DPP9: variants seen among roughly 807,000 people sequenced by gnomAD.
DPP9 encodes the protein dipeptidyl peptidase 9, also known as dipeptidyl peptidase IV-related protein-2.
Under a neutral mutation model 110.7 loss-of-function variants are expected in DPP9, and 50 were observed. That is an observed-to-expected ratio of 0.45 (90% confidence interval 0.36 to 0.57). The LOEUF (loss-of-function observed/expected upper bound fraction) is 0.57. Among genes scored for constraint, DPP9 ranks in the 20% least tolerant of loss-of-function variants. The probability of loss-of-function intolerance (pLI) is 0.00; values close to 1 mark genes in which losing one functional copy is unlikely to be tolerated. For synonymous variants in DPP9, 561 were observed against 514.4 expected, an observed-to-expected ratio of 1.09 and a Z score of -1.23; for missense variants, 1,022 against 1,217.9, an observed-to-expected ratio of 0.84 and a Z score of 2.39.
intron 3 of DPP9, among the ~76,000 whole-genome samples, chr19:4,715,194 T>C (rs2093024559): frequency 1.3e-5 from 2 of 151,912 alleles, no homozygotes; most frequent in African/African-American, 4.8e-5. Flanking sequence ...TAATGTTTTT[T>C]GTATTTTTAG....
intron 4 of DPP9, among the ~76,000 whole-genome samples, chr19:4,711,202 C>T (rs534051329): frequency 1.3e-5 from 2 of 152,204 alleles, no homozygotes; most frequent in African/African-American, 2.4e-5. Flanking sequence ...GTCCACTGGG[C>T]TTTCTGCTCT....
intron 7 of DPP9, 106 bp from the exon 8 acceptor site, chr19:4,702,822 G>A (rs1454159547): frequency 4.1e-5 from 10 of 244,664 alleles, no homozygotes; most frequent in African/African-American, 2.5e-4. Context: ...GAGAAGGAGG[G>A]AAGGAAAGGG....
rs1445141460 is a variant in DPP9, at chr19:4,701,805, C to T, written c.1012+222G>A. Among the ~76,000 whole-genome samples the T allele has an allele frequency of 2.6e-5, 4 of 152,220 alleles. No individual in the cohort carries two copies. The East Asian group carries it at 7.7e-4, about 29-fold the overall frequency. ...GAGATACCTGTGCCCTCATCCCTTC[C>T]AGAGACAGCTTGCTCACTTCTGAGC... On this transcript the variant is annotated intron_variant, in intron 9 of 21. Coordinates refer to ENST00000262960, the MANE Select transcript of DPP9 (RefSeq NM_139159.5).
Position 4,710,471 on chromosome 19 carries a change from C to T in DPP9, c.313+3610G>A, listed in dbSNP as rs1039730062. Among the ~76,000 whole-genome samples the T allele has an allele frequency of 1.3e-5, 2 of 152,186 alleles. No homozygotes were observed. The highest frequency in any genetic ancestry group is 2.9e-5 in the Non-Finnish European group (2 of 68,034). Reference sequence around the variant, plus strand: ...TCTGAGGCCTGGAACCTGAGCCGGCCCCAGCCCATCTTCCCAGCAGCAGGA... The same window carrying T: ...TCTGAGGCCTGGAACCTGAGCCGGCTCCAGCCCATCTTCCCAGCAGCAGGA... On this transcript the variant is annotated intron_variant, in intron 4 of 21. Transcript: ENST00000262960. This position sits in a 1 kb window ranked among gnomAD's most constrained non-coding sequence, Gnocchi z 5.6.
intron 14 of DPP9, among the ~76,000 whole-genome samples, chr19:4,690,559 C>G (rs1475115555): frequency 6.6e-6 from 1 of 152,238 alleles, no homozygotes; most frequent in Non-Finnish European, 1.5e-5. Flanking sequence ...GACACACTTC[C>G]TCTTTCATGA....
At position 4,679,995 on chromosome 19, in the gene DPP9, T is replaced by G. The variant is rs536929696; in HGVS notation, c.2475-49A>C. ...CTGAGGCCAGGGATTGTCCGTGGGGTAGGAGGGGAGCAGATCACAAGGTCA... is the reference window on the plus strand; with the variant it reads ...CTGAGGCCAGGGATTGTCCGTGGGGGAGGAGGGGAGCAGATCACAAGGTCA... On this transcript the variant is annotated intron_variant, in intron 20 of 21. Transcript: ENST00000262960. 1.6e-5 allele frequency: 22 copies of G among 1,391,262 alleles called. No homozygotes were observed. The South Asian group carries it at 2.7e-4, about 17-fold the overall frequency. 86.2% of individuals were successfully genotyped at this position (1,391,262 alleles called of 1,614,324 possible). A position where few individuals can be genotyped will look rare whatever the true frequency, so the allele number is the denominator to read the frequency against.
rs774917666 is a variant in DPP9, at chr19:4,676,904, C to T, written c.2587-248G>A. The stretch of plus-strand genomic sequence containing the variant: ...AAGACAAAGTTTACAAAACGCCTTG[C>T]GGTGTGCACGCGCTTGCACAGAGGA... On this transcript the variant is annotated intron_variant, in intron 21 of 21. Transcript: ENST00000262960. This position sits in a 1 kb window ranked among gnomAD's most constrained non-coding sequence, Gnocchi z 4.0. 6.6e-6 allele frequency among the ~76,000 whole-genome samples: 1 copy of T among 152,180 alleles called. No individual in the cohort carries two copies. Among genetic ancestry groups the T allele is most frequent in the South Asian group, 2.1e-4 (1 of 4,826 alleles).
chr19:4,676,345 T>A lies in DPP9; in HGVS notation c.*219A>T. The A allele has an allele frequency of 1.8e-6, 1 of 570,670 alleles. No homozygotes were observed. Among genetic ancestry groups the A allele is most frequent in the Non-Finnish European group, 3.2e-6 (1 of 317,032 alleles). 35.4% of individuals were successfully genotyped at this position (570,670 alleles called of 1,614,324 possible). On this transcript the variant is annotated 3_prime_UTR_variant, in exon 22 of 22. Transcript: ENST00000262960. The surrounding 1 kb of genome is among the most constrained non-coding windows in gnomAD (Gnocchi z 4.0). ...CTGGCCCGAGACCACCATCTCTCTG[T>A]CTCGGCAACCAAGAAGCAGCGGACA...
At chr19:4,721,759 C>T (rs1406585611) in intron 2 of DPP9, among the ~76,000 whole-genome samples, 1 of 152,162 alleles carries the variant, frequency 6.6e-6, no homozygotes, top group African/African-American at 2.4e-5. Context: ...CCAGGGGTGA[C>T]AGAGCGAGGT....
At position 4,682,652 on chromosome 19, in the gene DPP9, G is replaced by C. The variant is rs768408399; in HGVS notation, c.2474+44C>G. 1.3e-6 allele frequency: 2 copies of C among 1,597,420 alleles called. No individual in the cohort carries two copies. The highest frequency in any genetic ancestry group is 2.7e-5 in the African/African-American group (2 of 74,632). On this transcript the variant is annotated intron_variant, in intron 20 of 21. Transcript: ENST00000262960. The surrounding 1 kb of genome is among the most constrained non-coding windows in gnomAD (Gnocchi z 7.1). Reference sequence around the variant, plus strand: ...TAGAGACAGCTGGTGCCGGGGTGCAGGAGAAGCCCCGGGGAGGAGCGCAGG... The same window carrying C: ...TAGAGACAGCTGGTGCCGGGGTGCACGAGAAGCCCCGGGGAGGAGCGCAGG...
intron 10 of DPP9, 53 bp from the exon 11 acceptor site, chr19:4,697,704 C>T (rs536267243): frequency 1.8e-5 from 28 of 1,514,922 alleles, no homozygotes; most frequent in Middle Eastern, 1.7e-4. Context: ...CGGCGCTGCT[C>T]GGAGGAGAAG....
chr19:4,684,374 T>G lies in DPP9; in HGVS notation c.2178+289A>C. The G allele has an allele frequency of 2.4e-6, 1 of 425,014 alleles. No homozygotes were observed. The highest frequency in any genetic ancestry group is 4.3e-6 in the Non-Finnish European group (1 of 233,880). The allele number at this position is 425,014 out of a possible 1,614,324, so 26.3% of individuals were successfully genotyped here. ...TTTATAAATCCCCAGGCTGTGGGGT[T>G]TTGTTCCAGCAGTGCAAAGGGGCCG... On this transcript the variant is annotated intron_variant, in intron 18 of 21. Coordinates refer to ENST00000262960, the MANE Select transcript of DPP9 (RefSeq NM_139159.5). The surrounding 1 kb of genome is among the most constrained non-coding windows in gnomAD (Gnocchi z 4.8).
intron 13 of DPP9, among the ~76,000 whole-genome samples, chr19:4,692,677 G>A (rs1029957863): frequency 1.3e-5 from 2 of 152,132 alleles, no homozygotes; most frequent in Non-Finnish European, 2.9e-5. Flanking sequence ...AGTGGCAGCT[G>A]CAGCTGGCTC....
Position 4,685,914 on chromosome 19 carries a change from A to G in DPP9, c.1886-143T>C, listed in dbSNP as rs1261179629. ...GGCTTCCCGAGAGTTGATAATTGAAAAAAACGTTTTTTTTTCATTAAATAA... is the reference window on the plus strand; with the variant it reads ...GGCTTCCCGAGAGTTGATAATTGAAGAAAACGTTTTTTTTTCATTAAATAA... On this transcript the variant is annotated intron_variant, in intron 16 of 21. Transcript: ENST00000262960. The surrounding 1 kb of genome is among the most constrained non-coding windows in gnomAD (Gnocchi z 5.8). 1.7e-5 allele frequency: 16 copies of G among 969,320 alleles called. No homozygotes were observed. Among genetic ancestry groups the G allele is most frequent in the Non-Finnish European group, 2.2e-5 (15 of 676,048 alleles). The allele number at this position is 969,320 out of a possible 1,614,324, so 60.0% of individuals were successfully genotyped here.
intron 19 of DPP9, 169 bp from the exon 20 acceptor site, chr19:4,683,007 C>T (rs12976572): frequency 7.5e-5 from 114 of 1,526,706 alleles, no homozygotes; most frequent in South Asian, 2.0e-4. Context: ...CCCCCGTGGA[C>T]GGTGCGTGGC....
rs572009673 is a variant in DPP9, at chr19:4,700,384, A to G, written c.1013-107T>C. ...GGGTGACGTCCACAGAGAGGTGTACAATTGGAGTGGGGGAGGCAGGAGAAG... is the reference window on the plus strand; with the variant it reads ...GGGTGACGTCCACAGAGAGGTGTACGATTGGAGTGGGGGAGGCAGGAGAAG... On this transcript the variant is annotated intron_variant, in intron 9 of 21. Transcript: ENST00000262960. The surrounding 1 kb of genome is among the most constrained non-coding windows in gnomAD (Gnocchi z 4.3). The G allele has an allele frequency of 2.8e-5, 23 of 825,248 alleles. No individual in the cohort carries two copies. The African/African-American group carries it at 3.6e-4, about 13-fold the overall frequency. 51.1% of individuals were successfully genotyped at this position (825,248 alleles called of 1,614,324 possible).
intron 2 of DPP9, among the ~76,000 whole-genome samples, chr19:4,720,402 C>G (rs1476589719): frequency 6.6e-6 from 1 of 152,194 alleles, no homozygotes; most frequent in African/African-American, 2.4e-5. Flanking sequence ...ACGACGCACC[C>G]CGTGGCCTGA....
chr19:4,681,942 G>A (rs531683358), intron 20 of DPP9, among the ~76,000 whole-genome samples: 88 of 146,908 alleles, frequency 6.0e-4, no homozygotes, highest in African/African-American at 2.0e-3. Flanking sequence ...TCCGCCTCCC[G>A]GGTTCACGCC....
intron 13 of DPP9, among the ~76,000 whole-genome samples, chr19:4,692,191 G>C (rs934177096): frequency 6.6e-6 from 1 of 152,080 alleles, no homozygotes; most frequent in African/African-American, 2.4e-5. Context: ...GTTTTTTTGG[G>C]GGGTAGGAGG....
Sources: gnomAD v4.1 joint callset for allele counts (sites outside exome capture counted in the v4.1 genomes callset) on GRCh38, gnomAD v4.1.1 for gene constraint, Gnocchi (gnomAD v3.1) non-coding constraint, MANE v1.5 for transcripts, NCBI Gene and HGNC (gene_info 2026-07-23, HGNC 2026-07-21) for gene names.